Variants in MED17 observed in about 807,000 individuals in gnomAD.
MED17 encodes the protein mediator complex subunit 17, also known as mediator of RNA polymerase II transcription subunit 17.
Under a neutral mutation model 80.8 loss-of-function variants are expected in MED17, and 49 were observed. That is an observed-to-expected ratio of 0.61 (90% CI 0.48 to 0.77). MED17 has a LOEUF of 0.77. MED17 is among the 30% of genes least tolerant of loss of function. The probability of loss-of-function intolerance (pLI) is 0.00; values close to 1 mark genes in which losing one functional copy is unlikely to be tolerated. For synonymous variants in MED17, 281 were observed against 280.4 expected, an observed-to-expected ratio of 1.00 and a Z score of -0.02; for missense variants, 718 against 787.0, an observed-to-expected ratio of 0.91 and a Z score of 1.05.
At chr11:93,796,766 G>A (rs1173715723) in intron 7 of MED17, among the ~76,000 whole-genome samples, 2 of 152,186 alleles carry the variant, frequency 1.3e-5, no homozygotes, top group East Asian at 3.9e-4. Context: ...AGGTTTTCAA[G>A]TAGAGGTGTA....
At position 93,788,098 on chromosome 11, in the gene MED17, C is replaced by T. The variant is rs1417738006; in HGVS notation, c.348C>T (p.Leu116=). 6.2e-7 allele frequency: 1 copy of T among 1,613,454 alleles called. No individual in the cohort carries two copies. The highest frequency in any genetic ancestry group is 1.3e-5 in the African/African-American group (1 of 74,900). The change falls in exon 2 of 12, where the codon CTC becomes CTT. Residue 116 remains leucine, a synonymous_variant. Coordinates refer to ENST00000251871, the MANE Select transcript of MED17 (RefSeq NM_004268.5). ...AGATGTGTGTTCTCTATGATGTTCT[C>T]AGTATTGTTAGGGATAAAAAATTTA... ...LTEMCVLYDV[L]SIVRDKKFMT... is the part of the protein sequence containing the mutation.
At chr11:93,800,305 A>G (rs1943948470) in intron 8 of MED17, among the ~76,000 whole-genome samples, 1 of 151,990 alleles carries the variant, frequency 6.6e-6, no homozygotes, top group Non-Finnish European at 1.5e-5. Flanking sequence ...GTCTTTTAAA[A>G]TTAAATTTAT....
chr11:93,797,188 TGTAAAA>T (rs1001166316), intron 7 of MED17: 3 of 266,846 alleles, frequency 1.1e-5, no homozygotes, highest in Admixed American at 5.0e-5. Context: ...TTTTAAAACT[TGTAAAA>T]TAAAAATTAA....
rs1943753277 is a variant in MED17, at chr11:93,784,945, C to T, written c.250+182C>T. ...TGCTGCCGGACAAGGTAGGACACGA[C>T]TTTACGTAATACTCCTGCGGGTCTC... On this transcript the variant is annotated intron_variant, in intron 1 of 11. Coordinates refer to ENST00000251871, the MANE Select transcript of MED17 (RefSeq NM_004268.5). 12 of 845,008 alleles carry T rather than the reference C, an allele frequency of 1.4e-5. No homozygotes were observed. In the East Asian group the frequency reaches 1.6e-4, roughly 11 times the overall value. 52.3% of individuals were successfully genotyped at this position (845,008 alleles called of 1,614,324 possible). A position where few individuals can be genotyped will look rare whatever the true frequency, so the allele number is the denominator to read the frequency against.
intron 10 of MED17, 84 bp from the exon 11 acceptor site, chr11:93,809,633 C>T: frequency 6.8e-7 from 1 of 1,474,938 alleles, no homozygotes; most frequent in Non-Finnish European, 9.4e-7. Flanking sequence ...AGCACCCCAA[C>T]AAAAGTTTAC....
intron 6 of MED17, chr11:93,795,854 A>T (rs1418445552): frequency 6.4e-6 from 1 of 156,312 alleles, no homozygotes; most frequent in African/African-American, 2.4e-5. Context: ...TAGCTTTTTC[A>T]CCAGTCTTTA....
chr11:93,804,045 A>ATG (rs1565293350), intron 9 of MED17, among the ~76,000 whole-genome samples: 5 of 85,558 alleles, frequency 5.8e-5, no homozygotes, highest in Non-Finnish European at 1.4e-4. Context: ...ACATATACAC[A>ATG]CGCACACACA....
chr11:93,785,110 C>T (rs1943755506), intron 1 of MED17, among the ~76,000 whole-genome samples: 1 of 152,198 alleles, frequency 6.6e-6, no homozygotes, highest in Non-Finnish European at 1.5e-5. Context: ...GGCTGTGTGA[C>T]CTTGGGCGAG....
chr11:93,800,620 C>CT (rs1352679112), intron 8 of MED17: 1 of 101,606 alleles, frequency 9.8e-6, no homozygotes, highest in African/African-American at 3.5e-5. Context: ...TAGAGTGAGA[C>CT]TTTGTCTCAA....
chr11:93,812,899 C>G lies in MED17; in HGVS notation c.*835C>G, dbSNP rs1944098245. The G allele has an allele frequency of 6.6e-6, 1 of 152,236 alleles. No homozygotes were observed. Among genetic ancestry groups the G allele is most frequent in the Non-Finnish European group, 1.5e-5 (1 of 68,126 alleles). 9.4% of individuals were successfully genotyped at this position (152,236 alleles called of 1,614,324 possible). On this transcript the variant is annotated 3_prime_UTR_variant, in exon 12 of 12. Coordinates refer to ENST00000251871, the MANE Select transcript of MED17 (RefSeq NM_004268.5). Reference sequence around the variant, plus strand: ...CCTCAAGTTTTTTTGGTCTGTTCTCCCACTTGATTGACCTCACCAGTTGAG... The same window carrying G: ...CCTCAAGTTTTTTTGGTCTGTTCTCGCACTTGATTGACCTCACCAGTTGAG...
chr11:93,809,827 T>C lies in MED17; in HGVS notation c.1695T>C (p.Asn565=), dbSNP rs373799443. Residue 565 remains asparagine (N), a synonymous_variant, in exon 11 of 12, where the codon AAT becomes AAC. Coordinates refer to ENST00000251871, the MANE Select transcript of MED17 (RefSeq NM_004268.5). The stretch of plus-strand genomic sequence containing the variant: ...TTGGACCTATAGAGAGCATTGGTAA[T>C]GCATCTGCCATCACGGTGGCCTCCC... ...VGLGPIESIG[N]ASAITVASPS... 21 of 1,614,094 alleles carry C rather than the reference T, an allele frequency of 1.3e-5. No individual in the cohort carries two copies. Among genetic ancestry groups the C allele is most frequent in the Non-Finnish European group, 1.6e-5 (19 of 1,180,030 alleles).
chr11:93,794,579 T>C (rs184315569), intron 5 of MED17: 67 of 380,160 alleles, frequency 1.8e-4, no homozygotes, highest in Admixed American at 1.7e-3. Context: ...AATATAGCTT[T>C]GCACAGTGGC....
chr11:93,807,412 C>T, intron 9 of MED17, 106 bp from the exon 10 acceptor site: 1 of 779,464 alleles, frequency 1.3e-6, no homozygotes, highest in African/African-American at 1.7e-5. Flanking sequence ...GAGACTTTGT[C>T]TAAAAAATAA....
In MED17 at chr11:93,793,872, T is replaced by G. The variant is rs1252995209; in HGVS notation, c.774+8T>G. 1.2e-6 allele frequency: 2 copies of G among 1,613,600 alleles called. No homozygotes were observed. The highest frequency in any genetic ancestry group is 2.7e-5 in the African/African-American group (2 of 74,918). On this transcript the variant is annotated splice_region_variant and intron_variant, in intron 4 of 11. Coordinates refer to ENST00000251871, the MANE Select transcript of MED17 (RefSeq NM_004268.5). ...GGGTCTGCATATATCAAGGTATTTG[T>G]CAAAATATTTTTCAAGTAATTTCTT... is the stretch of plus-strand genomic sequence containing the variant.
intron 1 of MED17, among the ~76,000 whole-genome samples, chr11:93,787,065 T>G (rs1244793714): frequency 6.6e-6 from 1 of 152,094 alleles, no homozygotes; most frequent in East Asian, 1.9e-4. Flanking sequence ...GAAAGGCAAG[T>G]AATAGAAAAT....
At chr11:93,809,342 G>A (rs1944062136) in intron 10 of MED17, 3 of 336,324 alleles carry the variant, frequency 8.9e-6, no homozygotes, top group Non-Finnish European at 1.7e-5. Context: ...GATGTAAGAA[G>A]GTATTAATGT....
intron 7 of MED17, chr11:93,797,227 CAA>C: frequency 3.1e-6 from 1 of 319,608 alleles, no homozygotes. Context: ...TTTTGTGGTT[CAA>C]AAGCATGATT....
chr11:93,806,777 T>C (rs1944029620), intron 9 of MED17: 1 of 152,200 alleles, frequency 6.6e-6, no homozygotes, highest in African/African-American at 2.4e-5. Context: ...GGAGAAATTT[T>C]AAATAAATGA....
At chr11:93,797,321 A>G in intron 7 of MED17, 1 of 550,570 alleles carries the variant, frequency 1.8e-6, no homozygotes, top group Non-Finnish European at 3.2e-6. Flanking sequence ...ACATGAGAAA[A>G]GGAAAAAAGT....
Sources: allele counts gnomAD v4.1 joint callset (sites outside exome capture counted in the v4.1 genomes callset), GRCh38; gene constraint gnomAD v4.1.1; transcripts MANE v1.5; gene names NCBI Gene and HGNC (gene_info 2026-07-23, HGNC 2026-07-21).